The following PHEX variants were observed in gnomAD, a reference collection of about 807,000 sequenced individuals.
The protein encoded by PHEX is phosphate-regulating neutral endopeptidase PHEX.
PHEX carries 16 observed loss-of-function variants against 68.0 expected under a neutral mutation model. That is an observed-to-expected ratio of 0.24 (90% CI 0.16 to 0.36). PHEX has a LOEUF of 0.36. Among genes scored for constraint, PHEX ranks in the 10% least tolerant of loss-of-function variants. The pLI, the probability that PHEX is intolerant of heterozygous loss-of-function variation, is 1.00. For missense variants in PHEX, 480 were observed against 575.5 expected (o/e 0.83, Z 1.70); for synonymous variants, 208 against 205.1 (o/e 1.01, Z -0.12).
At chrX:22,122,235 A>T (rs1352252519) in intron 11 of PHEX, among the ~76,000 whole-genome samples, 2 of 111,019 alleles carry the variant, frequency 1.8e-5, no homozygotes, top group East Asian at 5.7e-4. Flanking sequence ...CACTGTACAG[A>T]TAAAGACAAT....
chrX:22,177,200 C>G (rs1481610754), intron 13 of PHEX, among the ~76,000 whole-genome samples: 1 of 111,528 alleles, frequency 9.0e-6, no homozygotes, highest in African/African-American at 3.3e-5. Context: ...GAGCCTATTA[C>G]CATCAAATTG....
chrX:22,118,760 T>C (rs2285066), intron 11 of PHEX, among the ~76,000 whole-genome samples: 43,004 of 110,140 alleles, frequency 0.39, 7,172 homozygotes, highest in African/African-American at 0.65. Context: ...CATAATTCTA[T>C]ATTACTGTTT....
chrX:22,239,624 C>T (rs923708274), intron 20 of PHEX, among the ~76,000 whole-genome samples: 4 of 109,426 alleles, frequency 3.7e-5, no homozygotes, highest in Non-Finnish European at 3.8e-5. Flanking sequence ...ACTGATCAAG[C>T]GGAAGAAAGG....
intron 3 of PHEX, among the ~76,000 whole-genome samples, chrX:22,073,637 T>TG (rs1310617223): frequency 2.0e-4 from 17 of 86,596 alleles, no homozygotes; most frequent in African/African-American, 7.8e-4. Context: ...GTGCTATAGT[T>TG]TTTTTTTTTT....
chrX:22,055,614 T>G (rs756885765), intron 3 of PHEX, among the ~76,000 whole-genome samples: 1 of 110,685 alleles, frequency 9.0e-6, no homozygotes, highest in East Asian at 2.9e-4. Flanking sequence ...CAGGCTAGAG[T>G]GCACTGGCAC....
intron 20 of PHEX, among the ~76,000 whole-genome samples, chrX:22,242,087 G>C: frequency 8.9e-6 from 1 of 111,867 alleles, no homozygotes; most frequent in Non-Finnish European, 1.9e-5. Flanking sequence ...CCACAACCAA[G>C]TTGGCTTCAT....
chrX:22,130,729 A>G (rs1931958518), intron 11 of PHEX, among the ~76,000 whole-genome samples: 1 of 109,409 alleles, frequency 9.1e-6, no homozygotes, highest in Non-Finnish European at 1.9e-5. Flanking sequence ...TTTGGGAGGG[A>G]TCCTCTGTTG....
At chrX:22,114,708 T>G in intron 11 of PHEX, 122 bp downstream of exon 11, 1 of 578,259 alleles carries the variant, frequency 1.7e-6, no homozygotes, top group Non-Finnish European at 3.0e-6. Context: ...TGTCTTCAGA[T>G]TCTTTCAACT....
Position 22,077,716 on chromosome X carries a change from C to G in PHEX, c.663+14C>G, listed in dbSNP as rs376914541. On this transcript the variant is annotated intron_variant, in intron 5 of 21. Coordinates refer to ENST00000379374, the MANE Select transcript of PHEX (RefSeq NM_000444.6). ...CATATCTTGAAGGTATAATGAGGACCCATTCATCTTCTTTGCTCAGTCCTA... is the reference window on the plus strand; with the variant it reads ...CATATCTTGAAGGTATAATGAGGACGCATTCATCTTCTTTGCTCAGTCCTA... The G allele has an allele frequency of 4.9e-5, 56 of 1,140,709 alleles. No individual in the cohort carries two copies. The highest frequency in any genetic ancestry group is 6.1e-5 in the Non-Finnish European group (51 of 831,848). 94.0% of individuals were successfully genotyped at this position (1,140,709 alleles called of 1,213,427 possible). A position where few individuals can be genotyped will look rare whatever the true frequency, so the allele number is the denominator to read the frequency against.
intron 3 of PHEX, among the ~76,000 whole-genome samples, chrX:22,062,318 T>C (rs1161099138): frequency 3.6e-5 from 4 of 111,702 alleles, no homozygotes; most frequent in Non-Finnish European, 7.5e-5. Context: ...TATTGTCCGA[T>C]AGAAATATAA....
intron 20 of PHEX, among the ~76,000 whole-genome samples, chrX:22,229,146 T>C (rs1273833846): frequency 1.8e-5 from 2 of 112,150 alleles, no homozygotes; most frequent in African/African-American, 6.5e-5. Context: ...CTGATGGACA[T>C]TTGGGTTGGT....
At chrX:22,187,417 T>C (rs1029120723) in intron 14 of PHEX, among the ~76,000 whole-genome samples, 1 of 111,957 alleles carries the variant, frequency 8.9e-6, no homozygotes, top group East Asian at 2.8e-4. Flanking sequence ...CAAATCCTTC[T>C]TACCCTTCCT....
intron 11 of PHEX, among the ~76,000 whole-genome samples, chrX:22,129,643 C>T (rs750835940): frequency 2.7e-5 from 3 of 111,553 alleles, no homozygotes; most frequent in African/African-American, 9.8e-5. Context: ...TGGATCCCAT[C>T]ACCTCCTTTG....
intron 11 of PHEX, among the ~76,000 whole-genome samples, chrX:22,120,623 T>A (rs1931445636): frequency 9.0e-6 from 1 of 111,329 alleles, no homozygotes; most frequent in South Asian, 3.7e-4. Context: ...AAGACGGAAA[T>A]GATAAGAAGC....
intron 5 of PHEX, among the ~76,000 whole-genome samples, chrX:22,082,946 G>A (rs986408009): frequency 8.9e-6 from 1 of 111,957 alleles, no homozygotes; most frequent in African/African-American, 3.2e-5. Flanking sequence ...CACATTACCC[G>A]ATTTCAAACT....
chrX:22,039,807 A>C (rs1927191947), intron 2 of PHEX, among the ~76,000 whole-genome samples: 1 of 111,991 alleles, frequency 8.9e-6, no homozygotes, highest in Admixed American at 9.5e-5. Context: ...ATGGTGGCTC[A>C]TGCCTGTAAT....
At chrX:22,113,064 T>TGTGTGTGTGTG in intron 10 of PHEX, among the ~76,000 whole-genome samples, 1 of 107,526 alleles carries the variant, frequency 9.3e-6, no homozygotes, top group East Asian at 2.9e-4. Context: ...TTTGTGTGTA[T>TGTGTGTGTGTG]TTTTAACTGC....
rs189364140 is a variant in PHEX, at chrX:22,112,497, G to A, written c.1173+937G>A. ...TATAAGCTATGATTTCATTCAAGAG[G>A]CATTTTAGTTATTAGAGGAACTAAT... On this transcript the variant is annotated intron_variant, in intron 10 of 21. Coordinates refer to ENST00000379374, the MANE Select transcript of PHEX (RefSeq NM_000444.6). Among the ~76,000 whole-genome samples the A allele has an allele frequency of 8.0e-5, 9 of 112,134 alleles. No individual in the cohort carries two copies. The South Asian group carries it at 1.8e-3, about 23-fold the overall frequency.
chrX:22,209,163 G>A (rs1342938087), intron 15 of PHEX, among the ~76,000 whole-genome samples: 3 of 111,129 alleles, frequency 2.7e-5, no homozygotes, highest in South Asian at 7.6e-4. Flanking sequence ...GGCTCCTGCC[G>A]CACGTGGTGA....
Sources: gnomAD v4.1 joint callset for allele counts (sites outside exome capture counted in the v4.1 genomes callset) on GRCh38, gnomAD v4.1.1 for gene constraint, MANE v1.5 for transcripts, NCBI Gene and HGNC (gene_info 2026-07-23, HGNC 2026-07-21) for gene names.